The following OXR1 variants were observed in gnomAD, a reference collection of about 807,000 sequenced individuals.
OXR1 encodes the protein oxidation resistance protein 1.
Under a neutral mutation model 104.6 loss-of-function variants are expected in OXR1, and 41 were observed. The observed-to-expected ratio is 0.39, with a 90% CI of 0.31 to 0.51. The LOEUF is 0.51. Ranked by LOEUF, OXR1 falls within the 20% of genes least tolerant of loss-of-function variation. OXR1 has a pLI of 0.77. For synonymous variants in OXR1, 348 were observed against 348.4 expected (o/e 1.00, Z 0.01); for missense variants, 955 against 1,031.9 (o/e 0.93, Z 1.02).
chr8:106,539,854 A>G (rs1814816867), intron 3 of OXR1, among the ~76,000 whole-genome samples: 1 of 152,224 alleles, frequency 6.6e-6, no homozygotes, highest in Non-Finnish European at 1.5e-5. Flanking sequence ...GAATTCATTC[A>G]TATCTTTGAC....
chr8:106,442,085 G>A (rs1413419433), intron 2 of OXR1, among the ~76,000 whole-genome samples: 1 of 152,076 alleles, frequency 6.6e-6, no homozygotes, highest in African/African-American at 2.4e-5. Context: ...TGAGATATGT[G>A]CCATAAATAC....
At chr8:106,696,627 T>A (rs1830058055) in intron 7 of OXR1, among the ~76,000 whole-genome samples, 1 of 152,236 alleles carries the variant, frequency 6.6e-6, no homozygotes, top group South Asian at 2.1e-4. Flanking sequence ...ATTTGATGTT[T>A]TCAGTGTTTT....
chr8:106,634,860 T>C (rs753514151), intron 3 of OXR1, among the ~76,000 whole-genome samples: 1 of 149,664 alleles, frequency 6.7e-6, no homozygotes, highest in Non-Finnish European at 1.5e-5. Flanking sequence ...AGGCCTTTGC[T>C]AGGATCTTGC....
intron 3 of OXR1, among the ~76,000 whole-genome samples, chr8:106,601,414 G>C (rs932200684): frequency 6.6e-6 from 1 of 152,112 alleles, no homozygotes; most frequent in African/African-American, 2.4e-5. Context: ...AGCAGATCTG[G>C]GTCTGGTGAA....
At chr8:106,384,429 G>A (rs1817282920) in intron 2 of OXR1, among the ~76,000 whole-genome samples, 1 of 152,166 alleles carries the variant, frequency 6.6e-6, no homozygotes, top group African/African-American at 2.4e-5. Context: ...ATAAGCAGTT[G>A]CCGGTCCTTG....
At chr8:106,271,017 A>G (rs2130454822) in intron 1 of OXR1, among the ~76,000 whole-genome samples, 1 of 151,948 alleles carries the variant, frequency 6.6e-6, no homozygotes. Context: ...ACATGTTGGG[A>G]ACTGGCTGGG....
rs990205028 is a variant in OXR1, at chr8:106,740,440, C to T, written c.2261C>T (p.Thr754Ile). The T allele has an allele frequency of 1.2e-6, 2 of 1,613,170 alleles. No individual in the cohort carries two copies. The highest frequency in any genetic ancestry group is 2.2e-5 in the East Asian group (1 of 44,794). ...ACAAGCTTGAAAACTCTTTATCGAA[C>T]AATGACAGGTTTAGACACCCCAGTG... ...HGTSLKTLYR[T>I]MTGLDTPVLM... Residue 754 changes from threonine (T) to isoleucine (I), a missense_variant, in exon 14 of 17, where the codon ACA (threonine) becomes ATA (isoleucine). Around this residue, in one of 2 missense-constraint regions of OXR1, gnomAD observed 106 missense variants for 179.0 expected, o/e 0.59. Transcript: ENST00000517566.
In OXR1 at chr8:106,448,055, G is replaced by A. The variant is rs750144201; in HGVS notation, c.24-70888G>A. 26 of 1,535,826 alleles carry A rather than the reference G, an allele frequency of 1.7e-5. No homozygotes were observed. The South Asian group carries it at 2.9e-4, about 17-fold the overall frequency. Reference sequence around the variant, plus strand: ...AGGACAAAAACAGCCCAGGGTAGGTGGGATCTATCAGCCTCCATCTGTTGT... The same window carrying A: ...AGGACAAAAACAGCCCAGGGTAGGTAGGATCTATCAGCCTCCATCTGTTGT... On this transcript the variant is annotated intron_variant, in intron 2 of 16. Coordinates refer to ENST00000517566, the MANE Select transcript of OXR1 (RefSeq NM_001198533.2).
At chr8:106,338,550 G>A (rs1483689344) in intron 1 of OXR1, among the ~76,000 whole-genome samples, 2 of 144,932 alleles carry the variant, frequency 1.4e-5, no homozygotes, top group Non-Finnish European at 3.0e-5. Flanking sequence ...GGGACAGAGT[G>A]AGACTCTGTC....
intron 1 of OXR1, among the ~76,000 whole-genome samples, chr8:106,323,858 T>C (rs1255616000): frequency 6.6e-6 from 1 of 151,908 alleles, no homozygotes; most frequent in African/African-American, 2.4e-5. Context: ...AGTAAAAAAA[T>C]AATAGATGCT....
At chr8:106,306,228 G>T (rs780756674) in intron 1 of OXR1, among the ~76,000 whole-genome samples, 63 of 152,182 alleles carry the variant, frequency 4.1e-4, no homozygotes, top group African/African-American at 1.4e-3. Flanking sequence ...TAATCTGCAC[G>T]TAAGATTCAA....
At position 106,664,641 on chromosome 8, in the gene OXR1, G is replaced by GT. The variant is rs1263930652; in HGVS notation, c.221-14563dup. On this transcript the variant is annotated intron_variant, in intron 3 of 16. Transcript: ENST00000517566. ...ATTTAAAATGCATACTTGCGTAATT[G>GT]TTTTTTGACTTGGGATTTTAAGTTG... Among the ~76,000 whole-genome samples, 7 of 152,270 alleles carry GT rather than the reference G, an allele frequency of 4.6e-5. No homozygotes were observed. The East Asian group carries it at 1.3e-3, about 29-fold the overall frequency.
At chr8:106,486,529 T>G (rs1810667719) in intron 2 of OXR1, among the ~76,000 whole-genome samples, 1 of 152,214 alleles carries the variant, frequency 6.6e-6, no homozygotes, top group Non-Finnish European at 1.5e-5. Context: ...TGGAATAAAT[T>G]AGAGAAAAAT....
rs548303217 is a variant in OXR1 at position 106,430,351 on chromosome 8, C to T, written c.23+70715C>T. Among the ~76,000 whole-genome samples, 15 of 152,314 alleles carry T rather than the reference C, an allele frequency of 9.8e-5. No homozygotes were observed. The South Asian group carries it at 2.5e-3, about 25-fold the overall frequency. The stretch of plus-strand genomic sequence containing the variant: ...GTGCTTTCTTCAAATGTAGATTATA[C>T]TCTTTACCTATCTGATTTCATTTCA... On this transcript the variant is annotated intron_variant, in intron 2 of 16. Transcript: ENST00000517566.
At chr8:106,574,332 C>G (rs1042488167) in intron 3 of OXR1, among the ~76,000 whole-genome samples, 1 of 152,186 alleles carries the variant, frequency 6.6e-6, no homozygotes, top group Non-Finnish European at 1.5e-5. Context: ...ACTCCCATCT[C>G]TAGGTCTAAA....
chr8:106,693,673 C>T, intron 7 of OXR1, among the ~76,000 whole-genome samples: 1 of 152,000 alleles, frequency 6.6e-6, no homozygotes, highest in East Asian at 1.9e-4. Flanking sequence ...TCAGGTGATC[C>T]ACTTGCCTCG....
At chr8:106,477,979 A>G (rs751198863) in intron 2 of OXR1, among the ~76,000 whole-genome samples, 15 of 151,968 alleles carry the variant, frequency 9.9e-5, no homozygotes, top group Non-Finnish European at 1.9e-4. Context: ...TGTGATTCTC[A>G]TGTTGACTGG....
At chr8:106,585,728 G>C (rs1308190840) in intron 3 of OXR1, among the ~76,000 whole-genome samples, 2 of 152,140 alleles carry the variant, frequency 1.3e-5, no homozygotes, top group African/African-American at 2.4e-5. Context: ...ATGGTAGTAA[G>C]AGTAAGCCTC....
chr8:106,718,926 A>G (rs1832570426), intron 11 of OXR1, among the ~76,000 whole-genome samples: 1 of 152,078 alleles, frequency 6.6e-6, no homozygotes, highest in East Asian at 1.9e-4. Context: ...CAATCAAGGC[A>G]CAAAATGATT....
Sources: allele counts gnomAD v4.1 joint callset (sites outside exome capture counted in the v4.1 genomes callset), GRCh38; gene constraint gnomAD v4.1.1; regional missense constraint gnomAD v4.1.1; transcripts MANE v1.5; gene names NCBI Gene and HGNC (gene_info 2026-07-23, HGNC 2026-07-21).